PLCL2: variants seen among roughly 807,000 people sequenced by gnomAD.
PLCL2 encodes the protein inactive phospholipase C-like protein 2.
In PLCL2, 4 loss-of-function variants were observed where a neutral mutation model predicts 79.6. The ratio of observed to expected loss-of-function variants is 0.05; its 90% confidence interval spans 0.02 to 0.11. The LOEUF is 0.11. Among genes scored for constraint, PLCL2 ranks in the 10% least tolerant of loss-of-function variants. The pLI is 1.00. For synonymous variants in PLCL2, 484 were observed against 457.7 expected (o/e 1.06, Z -0.73); for missense variants, 895 against 1,291.0 (o/e 0.69, Z 4.70).
At chr3:16,962,475 G>C (rs1210183049) in intron 1 of PLCL2, among the ~76,000 whole-genome samples, 1 of 149,596 alleles carries the variant, frequency 6.7e-6, no homozygotes, top group Non-Finnish European at 1.5e-5. Flanking sequence ...TGCTATTATA[G>C]TTCTCAATAT....
At chr3:16,977,396 T>A (rs983780764) in intron 1 of PLCL2, among the ~76,000 whole-genome samples, 1 of 152,150 alleles carries the variant, frequency 6.6e-6, no homozygotes, top group African/African-American at 2.4e-5. Context: ...CTTCCCTTCA[T>A]AGTCACTCTG....
chr3:17,037,196 G>A (rs73153302), intron 3 of PLCL2, among the ~76,000 whole-genome samples: 3,405 of 152,196 alleles, frequency 0.022, 125 homozygotes, highest in African/African-American at 0.077. Flanking sequence ...TCCTGCTTTG[G>A]TCCAGTCCTC....
chr3:17,008,852 C>T (rs1186237438), intron 1 of PLCL2, among the ~76,000 whole-genome samples: 1 of 152,148 alleles, frequency 6.6e-6, no homozygotes. Flanking sequence ...GGATCTTGTT[C>T]TGTTGTCCAC....
chr3:17,030,746 C>T (rs1352240719), intron 3 of PLCL2, among the ~76,000 whole-genome samples: 1 of 152,154 alleles, frequency 6.6e-6, no homozygotes, highest in Non-Finnish European at 1.5e-5. Context: ...AAAAGTATTG[C>T]TTTTCATTAC....
intron 1 of PLCL2, among the ~76,000 whole-genome samples, chr3:16,891,222 G>C (rs2124914613): frequency 6.6e-6 from 1 of 152,268 alleles, no homozygotes; most frequent in Middle Eastern, 3.4e-3. Flanking sequence ...TTTCTTTATG[G>C]CCTTGGGCAA....
chr3:16,909,127 T>C (rs924590736), intron 1 of PLCL2, among the ~76,000 whole-genome samples: 3 of 152,198 alleles, frequency 2.0e-5, no homozygotes, highest in Non-Finnish European at 4.4e-5. Context: ...GTAAAAGAAA[T>C]ATTTTGCTTA....
intron 1 of PLCL2, among the ~76,000 whole-genome samples, chr3:16,969,982 C>G (rs3906814): frequency 0.56 from 84,156 of 150,272 alleles, 23,761 homozygotes; most frequent in South Asian, 0.63. Flanking sequence ...CATTCAGGAA[C>G]AGTTGTTTAA....
At chr3:16,961,829 C>T (rs1018120550) in intron 1 of PLCL2, among the ~76,000 whole-genome samples, 1 of 152,112 alleles carries the variant, frequency 6.6e-6, no homozygotes. Context: ...TCTTGACCTT[C>T]CCAGGACCCA....
intron 1 of PLCL2, among the ~76,000 whole-genome samples, chr3:16,900,762 G>C (rs1696598469): frequency 6.6e-6 from 1 of 152,164 alleles, no homozygotes; most frequent in Non-Finnish European, 1.5e-5. Context: ...AAAAAGTTGA[G>C]GCCCATGTAA....
At chr3:16,981,574 G>A (rs2063999128) in intron 1 of PLCL2, among the ~76,000 whole-genome samples, 1 of 152,164 alleles carries the variant, frequency 6.6e-6, no homozygotes, top group Admixed American at 6.5e-5. Context: ...ATCTATAGGG[G>A]TATCTTCTGA....
intron 5 of PLCL2, among the ~76,000 whole-genome samples, chr3:17,068,841 C>G (rs1240502888): frequency 6.6e-6 from 1 of 151,968 alleles, no homozygotes; most frequent in African/African-American, 2.4e-5. Flanking sequence ...TGAGCTTTAC[C>G]TCAATAGTTC....
At chr3:16,893,787 G>C (rs559125528) in intron 1 of PLCL2, among the ~76,000 whole-genome samples, 1 of 152,192 alleles carries the variant, frequency 6.6e-6, no homozygotes, top group African/African-American at 2.4e-5. Context: ...ATAGATAGCT[G>C]CATGTGTACA....
At chr3:16,932,427 A>C (rs1048551526) in intron 1 of PLCL2, among the ~76,000 whole-genome samples, 3 of 152,216 alleles carry the variant, frequency 2.0e-5, no homozygotes, top group Admixed American at 6.5e-5. Flanking sequence ...GAGTACCATT[A>C]GTCCTCTTCC....
In PLCL2 at chr3:17,010,324, C is replaced by T. The variant is rs766998462; in HGVS notation, c.978C>T (p.Val326=). The part of the protein sequence containing the change: ...HKSKDKAGTE[V]TKEEFIEVFH... ...CAAAGGACAAAGCTGGTACCGAGGT[C>T]ACAAAGGAAGAATTTATTGAGGTTT... Residue 326 remains valine (V), a synonymous_variant, in exon 2 of 6, where the codon GTC becomes GTT. Coordinates refer to ENST00000615277, the MANE Select transcript of PLCL2 (RefSeq NM_001144382.2). The surrounding 1 kb of genome is among the most constrained non-coding windows in gnomAD (Gnocchi z 5.8). 20 of 1,613,942 alleles carry T rather than the reference C, an allele frequency of 1.2e-5. No homozygotes were observed. Among genetic ancestry groups the T allele is most frequent in the Non-Finnish European group, 1.4e-5 (16 of 1,180,014 alleles).
chr3:17,036,559 G>A (rs912440326), intron 3 of PLCL2, among the ~76,000 whole-genome samples: 1 of 152,138 alleles, frequency 6.6e-6, no homozygotes, highest in African/African-American at 2.4e-5. Context: ...TCAGAGAGGT[G>A]TTTCTCTCAA....
At chr3:16,893,317 C>T (rs1427741474) in intron 1 of PLCL2, among the ~76,000 whole-genome samples, 1 of 149,160 alleles carries the variant, frequency 6.7e-6, no homozygotes, top group Non-Finnish European at 1.5e-5. Flanking sequence ...AAGCAGGTAA[C>T]AACTAGTAAT....
At chr3:17,042,722 C>T (rs1306312812) in intron 3 of PLCL2, 152 bp from the exon 4 acceptor site, 2 of 615,962 alleles carry the variant, frequency 3.2e-6, no homozygotes, top group Non-Finnish European at 6.0e-6. Flanking sequence ...ATCATTTTCA[C>T]ATGCACATTT....
intron 1 of PLCL2, among the ~76,000 whole-genome samples, chr3:16,957,953 G>C (rs1316834645): frequency 6.6e-6 from 1 of 152,166 alleles, no homozygotes; most frequent in Admixed American, 6.5e-5. Flanking sequence ...CCTGAATACA[G>C]CACACTGATG....
intron 1 of PLCL2, among the ~76,000 whole-genome samples, chr3:16,889,289 A>G (rs953633749): frequency 6.6e-6 from 1 of 151,964 alleles, no homozygotes; most frequent in African/African-American, 2.4e-5. Context: ...ATATGGCTGC[A>G]CTCCATTGCT....
Sources: allele counts gnomAD v4.1 joint callset (sites outside exome capture counted in the v4.1 genomes callset), GRCh38; gene constraint gnomAD v4.1.1; non-coding constraint Gnocchi (gnomAD v3.1); transcripts MANE v1.5; gene names NCBI Gene and HGNC (gene_info 2026-07-23, HGNC 2026-07-21).